Variants in TAOK1 observed in about 807,000 individuals in gnomAD.
TAOK1 encodes the protein serine/threonine-protein kinase TAO1.
A neutral mutation model predicts 138.3 loss-of-function variants in TAOK1; 21 were observed. The observed-to-expected ratio is 0.15, with a 90% CI of 0.11 to 0.22. The LOEUF (loss-of-function observed/expected upper bound fraction) is 0.22. Among genes scored for constraint, TAOK1 ranks in the 10% least tolerant of loss-of-function variants. TAOK1 has a pLI of 1.00. For synonymous variants in TAOK1, 361 were observed against 398.4 expected (o/e 0.91, Z 1.12); for missense variants, 651 against 1,227.7 (o/e 0.53, Z 7.02).
At chr17:29,421,399 C>CT (rs1905441060) in intron 1 of TAOK1, among the ~76,000 whole-genome samples, 1 of 152,046 alleles carries the variant, frequency 6.6e-6, no homozygotes, top group Non-Finnish European at 1.5e-5. Flanking sequence ...TTATAGTTTT[C>CT]TTGTTGATAT....
At chr17:29,503,395 C>CAAAAA (rs5819870) in intron 13 of TAOK1, among the ~76,000 whole-genome samples, 5 of 84,992 alleles carry the variant, frequency 5.9e-5, no homozygotes, top group African/African-American at 1.9e-4. Flanking sequence ...GACTCTGTCT[C>CAAAAA]AAAAAAAAAA....
chr17:29,490,114 A>G (rs1308159450), intron 9 of TAOK1, among the ~76,000 whole-genome samples: 6 of 109,422 alleles, frequency 5.5e-5, no homozygotes, highest in African/African-American at 2.1e-4. Flanking sequence ...TATTATTACA[A>G]CCTATAGTGA....
intron 17 of TAOK1, among the ~76,000 whole-genome samples, chr17:29,527,295 A>T (rs949151849): frequency 2.6e-5 from 4 of 151,762 alleles, no homozygotes; most frequent in Non-Finnish European, 5.9e-5. Context: ...TCTCAAAAAA[A>T]GAAAAGAAAA....
chr17:29,455,933 T>C (rs1299689218), intron 2 of TAOK1, among the ~76,000 whole-genome samples: 2 of 150,452 alleles, frequency 1.3e-5, no homozygotes, highest in Non-Finnish European at 2.9e-5. Flanking sequence ...AGTTTTCTTG[T>C]GATGTCTTTA....
At chr17:29,408,820 C>T (rs1475298425) in intron 1 of TAOK1, among the ~76,000 whole-genome samples, 1 of 152,016 alleles carries the variant, frequency 6.6e-6, no homozygotes, top group African/African-American at 2.4e-5. Context: ...TCAAGCAATT[C>T]TCCTGCCTCA....
intron 12 of TAOK1, among the ~76,000 whole-genome samples, chr17:29,500,336 T>TAGGA (rs2031501091): frequency 6.6e-6 from 1 of 151,848 alleles, no homozygotes; most frequent in Non-Finnish European, 1.5e-5. Context: ...AAACAAAAAA[T>TAGGA]AGGAATGCTT....
chr17:29,457,803 GACAGATAAAATTAA>G (rs138148623), intron 2 of TAOK1, among the ~76,000 whole-genome samples: 24,110 of 151,916 alleles, frequency 0.16, 2,038 homozygotes, highest in Admixed American at 0.21. Flanking sequence ...TAGCCCAGTT[GACAGATAAAATTAA>G]CCATAACAAA....
chr17:29,458,073 G>A (rs966881366), intron 2 of TAOK1, among the ~76,000 whole-genome samples: 2 of 151,728 alleles, frequency 1.3e-5, no homozygotes, highest in African/African-American at 4.8e-5. Context: ...TTGCGCCACT[G>A]GGCTCCAGCC....
intron 2 of TAOK1, among the ~76,000 whole-genome samples, chr17:29,454,523 A>T (rs777782185): frequency 1.8e-4 from 28 of 152,074 alleles, no homozygotes; most frequent in Admixed American, 5.2e-4. Context: ...TTGACTCTAT[A>T]GATCACTTTT....
At chr17:29,482,134 A>C in intron 7 of TAOK1, 63 bp from the exon 8 acceptor site, 1 of 1,238,394 alleles carries the variant, frequency 8.1e-7, no homozygotes. Flanking sequence ...TGACTGTTAC[A>C]TTCTCAAAGG....
intron 1 of TAOK1, among the ~76,000 whole-genome samples, chr17:29,450,632 C>T (rs149952146): frequency 2.8e-4 from 42 of 152,228 alleles, no homozygotes; most frequent in African/African-American, 9.6e-4. Flanking sequence ...CCGCCTTAGC[C>T]GCCAAAGTAG....
At chr17:29,537,040 T>C (rs2032235310) in intron 19 of TAOK1, among the ~76,000 whole-genome samples, 1 of 152,108 alleles carries the variant, frequency 6.6e-6, no homozygotes, top group African/African-American at 2.4e-5. Context: ...AATCTAAAGT[T>C]CTCTCTTAGG....
intron 1 of TAOK1, among the ~76,000 whole-genome samples, chr17:29,419,972 C>T (rs748607848): frequency 7.2e-5 from 11 of 151,886 alleles, no homozygotes; most frequent in South Asian, 2.1e-4. Context: ...CTCAACCTCC[C>T]GGGCTCAATT....
intron 8 of TAOK1, among the ~76,000 whole-genome samples, chr17:29,484,584 G>GT (rs530885937): frequency 2.0e-5 from 3 of 151,492 alleles, no homozygotes; most frequent in Non-Finnish European, 2.9e-5. Context: ...TATGATTTTC[G>GT]TTTTTTTTCT....
At chr17:29,505,829 G>A (rs62066624) in intron 13 of TAOK1, among the ~76,000 whole-genome samples, 1 of 152,198 alleles carries the variant, frequency 6.6e-6, no homozygotes, top group Non-Finnish European at 1.5e-5. Flanking sequence ...CAGCTACTCA[G>A]GAGCCTGAGG....
chr17:29,530,724 C>CAAATGATAGTTGGAAA, intron 18 of TAOK1, 105 bp downstream of exon 18: 2 of 946,056 alleles, frequency 2.1e-6, no homozygotes, highest in Non-Finnish European at 3.3e-6. Flanking sequence ...GATAGCTCTC[C>CAAATGATAGTTGGAAA]TGAAGCTTGG....
At chr17:29,474,463 C>T (rs150715245) in intron 3 of TAOK1, among the ~76,000 whole-genome samples, 2 of 152,172 alleles carry the variant, frequency 1.3e-5, no homozygotes, top group African/African-American at 2.4e-5. Context: ...GTGAGTATTC[C>T]GTTCACTTGA....
intron 1 of TAOK1, among the ~76,000 whole-genome samples, chr17:29,417,418 AC>A (rs1411057746): frequency 6.6e-6 from 1 of 152,162 alleles, no homozygotes; most frequent in African/African-American, 2.4e-5. Context: ...TTTTGCAGAT[AC>A]GTTTTTTTCG....
chr17:29,393,523 A>C (rs776713488), intron 1 of TAOK1, among the ~76,000 whole-genome samples: 5 of 152,240 alleles, frequency 3.3e-5, no homozygotes, highest in Non-Finnish European at 5.9e-5. Context: ...CCACTGTCAG[A>C]AAGAAAATGC....
Sources: allele counts gnomAD v4.1 joint callset (sites outside exome capture counted in the v4.1 genomes callset), GRCh38; gene constraint gnomAD v4.1.1; transcripts MANE v1.5; gene names NCBI Gene and HGNC (gene_info 2026-07-23, HGNC 2026-07-21).